MYOF: variants seen among roughly 807,000 people sequenced by gnomAD.
MYOF encodes fer-1-like 3, myoferlin.
A neutral mutation model predicts 284.2 loss-of-function variants in MYOF; 244 were observed. That is an observed-to-expected ratio of 0.86 (90% CI 0.77 to 0.95). The LOEUF (loss-of-function observed/expected upper bound fraction) is 0.95, where lower values mean the gene tolerates loss of function less well. Ranked by LOEUF, MYOF falls within the 40% of genes least tolerant of loss-of-function variation. The pLI is 0.00. For missense variants in MYOF, 2,496 were observed against 2,560.6 expected, an observed-to-expected ratio of 0.97 and a Z score of 0.54; for synonymous variants, 904 against 919.7, an observed-to-expected ratio of 0.98 and a Z score of 0.31.
intron 3 of MYOF, among the ~76,000 whole-genome samples, chr10:93,432,075 A>T (rs1848898171): frequency 6.6e-6 from 1 of 152,048 alleles, no homozygotes; most frequent in Non-Finnish European, 1.5e-5. Context: ...TGAATGAGAT[A>T]GAGGGGCAAG....
chr10:93,314,076 CCTT>C (rs1842508443), intron 50 of MYOF, among the ~76,000 whole-genome samples: 2 of 152,104 alleles, frequency 1.3e-5, no homozygotes, highest in African/African-American at 4.8e-5. Context: ...GCACATTGTC[CCTT>C]CTATGATGTA....
chr10:93,476,259 T>TTC (rs2057260247), intron 1 of MYOF, among the ~76,000 whole-genome samples: 1 of 144,280 alleles, frequency 6.9e-6, no homozygotes, highest in African/African-American at 2.6e-5. Context: ...TTTTTTTTTT[T>TTC]TTTTTTTTTT....
intron 7 of MYOF, among the ~76,000 whole-genome samples, chr10:93,407,607 G>C (rs1041979806): frequency 2.8e-4 from 43 of 150,972 alleles, no homozygotes; most frequent in African/African-American, 1.0e-3. Flanking sequence ...GCGTGGTGGC[G>C]GGCGCCTGTA....
At chr10:93,425,038 A>G (rs1362653961) in intron 5 of MYOF, among the ~76,000 whole-genome samples, 2 of 140,074 alleles carry the variant, frequency 1.4e-5, no homozygotes, top group Non-Finnish European at 3.0e-5. Context: ...TCATGGGTTC[A>G]AGCAATTCTC....
Position 93,310,554 on chromosome 10 carries a change from G to A in MYOF, c.5979C>T (p.Asn1993=), listed in dbSNP as rs199923673. The A allele has an allele frequency of 7.3e-5, 117 of 1,613,708 alleles. No individual in the cohort carries two copies. Among genetic ancestry groups the A allele is most frequent in the Non-Finnish European group, 9.0e-5 (106 of 1,179,836 alleles). ...AGKGRDEPNM[N]PKLDLPNRPE... is the part of the protein sequence containing the mutation. ...CTCACTTTGGTAAGTCCAGCTTGGGGTTCATGTTGGGTTCGTCCCGCCCCT... is the reference window on the plus strand; with the variant it reads ...CTCACTTTGGTAAGTCCAGCTTGGGATTCATGTTGGGTTCGTCCCGCCCCT... Residue 1993 remains asparagine (N), a synonymous_variant, in exon 52 of 54, where the codon AAC becomes AAT. Transcript: ENST00000359263.
chr10:93,441,390 CT>C (rs1300303198), intron 3 of MYOF, among the ~76,000 whole-genome samples: 69 of 145,196 alleles, frequency 4.8e-4, no homozygotes, highest in Admixed American at 4.1e-4. Flanking sequence ...TAGTACATTT[CT>C]TTTTTTTTTT....
chr10:93,382,145 A>G (rs1187062129), intron 19 of MYOF, among the ~76,000 whole-genome samples: 2 of 152,208 alleles, frequency 1.3e-5, no homozygotes, highest in African/African-American at 4.8e-5. Context: ...TGTTAACAGT[A>G]GTTATGTTGA....
chr10:93,319,824 A>C (rs1842776685), intron 49 of MYOF, 48 bp downstream of exon 49: 1 of 1,611,628 alleles, frequency 6.2e-7, no homozygotes, highest in South Asian at 1.1e-5. Flanking sequence ...TTCTGAGTTA[A>C]GGAAGATCCA....
intron 24 of MYOF, among the ~76,000 whole-genome samples, chr10:93,370,777 C>T (rs543421017): frequency 1.5e-3 from 226 of 152,210 alleles, no homozygotes; most frequent in Non-Finnish European, 2.5e-3. Flanking sequence ...GTAAGTTGAA[C>T]TAGATTTTTG....
At chr10:93,473,261 C>T (rs2057190392) in intron 1 of MYOF, among the ~76,000 whole-genome samples, 1 of 152,138 alleles carries the variant, frequency 6.6e-6, no homozygotes, top group South Asian at 2.1e-4. Flanking sequence ...TACTCTAGGC[C>T]CCCAGAAGGC....
rs370493284 is a variant in MYOF, at chr10:93,381,386, C to A, written c.1709G>T (p.Arg570Leu). 2 of 1,613,972 alleles carry A rather than the reference C, an allele frequency of 1.2e-6. No homozygotes were observed. The highest frequency in any genetic ancestry group is 2.2e-5 in the South Asian group (2 of 91,068). Residue 570 changes from arginine (R) to leucine (L), a missense_variant, in exon 20 of 54, where the codon CGA becomes CTA. Physicochemically the swap from Arg to Leu is moderately radical, Grantham distance 102 (BLOSUM62 -2). Around this residue, in one of 3 missense-constraint regions of MYOF, gnomAD observed 2,436 missense variants for 2,480.7 expected, o/e 0.98. Transcript: ENST00000359263. ...DDLLVVEKYQ[R>L]RRKYSLSAVF... Reference sequence around the variant, plus strand: ...GGCAGACAGGCTGTACTTCCGCCTTCGCTGGTATTTCTATAAAGTATGAGC... The same window carrying A: ...GGCAGACAGGCTGTACTTCCGCCTTAGCTGGTATTTCTATAAAGTATGAGC...
At chr10:93,308,243 AAAAAAAAT>A (rs1191228131) in intron 53 of MYOF, among the ~76,000 whole-genome samples, 2 of 4,298 alleles carry the variant, frequency 4.7e-4, no homozygotes, top group Non-Finnish European at 2.8e-3. Context: ...ACCCCATCTC[AAAAAAAAT>A]AAAAAATAAA....
chr10:93,419,592 G>A (rs183817713), intron 5 of MYOF, among the ~76,000 whole-genome samples: 1 of 152,294 alleles, frequency 6.6e-6, no homozygotes, highest in African/African-American at 2.4e-5. Flanking sequence ...GCTGTGCTAG[G>A]CACCATGAAT....
At position 93,333,881 on chromosome 10, in the gene MYOF, G is replaced by A; in HGVS notation, c.4596C>T (p.Asp1532=). The change falls in exon 42 of 54, where the codon GAC becomes GAT. Residue 1532 remains aspartate (D), a synonymous_variant. Coordinates refer to ENST00000359263, the MANE Select transcript of MYOF (RefSeq NM_013451.4). ...GTCTGGGAGGGGCTGGCACGCTGGG[G>A]TCATCCGGCAGAGGGTAGATCCGAA... is the stretch of plus-strand genomic sequence containing the variant. ...GSFRIYPLPD[D]PSVPAPPRQF... is the part of the protein sequence containing the mutation. The A allele has an allele frequency of 3.1e-6, 5 of 1,614,082 alleles. No homozygotes were observed. Among genetic ancestry groups the A allele is most frequent in the African/African-American group, 2.7e-5 (2 of 75,018 alleles).
rs2056609372 is a variant in MYOF, at chr10:93,452,155, G to A, written c.145-14C>T. 6.3e-7 allele frequency: 1 copy of A among 1,581,106 alleles called. No individual in the cohort carries two copies. The highest frequency in any genetic ancestry group is 2.2e-5 in the East Asian group (1 of 44,680). On this transcript the variant is annotated splice_polypyrimidine_tract_variant and intron_variant, in intron 2 of 53. Coordinates refer to ENST00000359263, the MANE Select transcript of MYOF (RefSeq NM_013451.4). The stretch of plus-strand genomic sequence containing the variant: ...AAACTCCAAAATCTGTTCACAGAAA[G>A]GTTTTGAAAAAAGAGAAAAAAAAAG...
chr10:93,306,802 T>A lies in MYOF; in HGVS notation c.*161A>T. 1 of 709,798 alleles carries A rather than the reference T, an allele frequency of 1.4e-6. No homozygotes were observed. The highest frequency in any genetic ancestry group is 1.8e-5 in the South Asian group (1 of 54,580). The allele number at this position is 709,798 out of a possible 1,614,324, so 44.0% of individuals were successfully genotyped here. ...TGCAAACGTTGCTTGTTGGCCTGAC[T>A]TTCCAGGACTAAGACCCTCTGGGAA... is the stretch of plus-strand genomic sequence containing the variant. On this transcript the variant is annotated 3_prime_UTR_variant, in exon 54 of 54. Transcript: ENST00000359263.
intron 39 of MYOF, 55 bp from the exon 40 acceptor site, chr10:93,337,968 A>G (rs1425682075): frequency 7.5e-6 from 9 of 1,206,374 alleles, no homozygotes; most frequent in Non-Finnish European, 9.8e-6. Context: ...TTTCCAATCG[A>G]TGCAGGAAAA....
intron 4 of MYOF, among the ~76,000 whole-genome samples, chr10:93,427,594 T>C (rs1251193386): frequency 7.7e-6 from 1 of 129,820 alleles, no homozygotes; most frequent in Non-Finnish European, 1.7e-5. Context: ...ATTCATAAAA[T>C]AGGATAAAAA....
At chr10:93,404,982 TACTC>T (rs1847486918) in intron 7 of MYOF, among the ~76,000 whole-genome samples, 1 of 152,212 alleles carries the variant, frequency 6.6e-6, no homozygotes, top group Non-Finnish European at 1.5e-5. Flanking sequence ...ATTGAACACT[TACTC>T]CAACTGAGAC....
Sources: gnomAD v4.1 joint callset for allele counts (sites outside exome capture counted in the v4.1 genomes callset) on GRCh38, gnomAD v4.1.1 for gene constraint, gnomAD v4.1.1 regional missense constraint, MANE v1.5 for transcripts, NCBI Gene and HGNC (gene_info 2026-07-23, HGNC 2026-07-21) for gene names.